The following ITFG1 variants were observed in gnomAD, a reference collection of about 807,000 sequenced individuals.
The protein encoded by ITFG1 is integrin alpha FG-GAP repeat containing 1.
ITFG1 carries 34 observed loss-of-function variants against 81.8 expected under a neutral mutation model. That is an observed-to-expected ratio of 0.42 (90% confidence interval 0.32 to 0.55). The LOEUF is 0.55. Ranked by LOEUF, ITFG1 falls within the 20% of genes least tolerant of loss-of-function variation. The probability of loss-of-function intolerance (pLI) is 0.17; values close to 1 mark genes in which losing one functional copy is unlikely to be tolerated. For missense variants in ITFG1, 672 were observed against 755.4 expected (o/e 0.89, Z 1.29); for synonymous variants, 285 against 270.6 (o/e 1.05, Z -0.52).
intron 8 of ITFG1, among the ~76,000 whole-genome samples, chr16:47,350,678 A>T (rs1967938720): frequency 6.6e-6 from 1 of 152,206 alleles, no homozygotes; most frequent in Admixed American, 6.5e-5. Flanking sequence ...TATTCCAATC[A>T]ATAGAAAAAG....
At chr16:47,435,950 A>T (rs1425988992) in intron 5 of ITFG1, among the ~76,000 whole-genome samples, 2 of 152,158 alleles carry the variant, frequency 1.3e-5, no homozygotes, top group African/African-American at 4.8e-5. Context: ...AAATGCATAC[A>T]GTGGAATATA....
At chr16:47,440,595 A>G (rs896120565) in intron 5 of ITFG1, among the ~76,000 whole-genome samples, 1 of 152,238 alleles carries the variant, frequency 6.6e-6, no homozygotes, top group African/African-American at 2.4e-5. Flanking sequence ...TACTGGGTAC[A>G]TAACGAAATG....
chr16:47,432,493 C>T (rs551675687), intron 5 of ITFG1, among the ~76,000 whole-genome samples: 3 of 152,290 alleles, frequency 2.0e-5, no homozygotes, highest in African/African-American at 7.2e-5. Context: ...AAACAGCAAC[C>T]TCTTTCCAAT....
chr16:47,249,614 A>T (rs1305748326), intron 12 of ITFG1, among the ~76,000 whole-genome samples: 1 of 152,170 alleles, frequency 6.6e-6, no homozygotes, highest in Non-Finnish European at 1.5e-5. Flanking sequence ...ACACTTGATG[A>T]GCTATGTGAA....
intron 10 of ITFG1, among the ~76,000 whole-genome samples, chr16:47,286,150 G>C (rs150209270): frequency 6.6e-6 from 1 of 152,270 alleles, no homozygotes; most frequent in East Asian, 1.9e-4. Context: ...CTCTACATAG[G>C]TAGAGGGAGA....
intron 10 of ITFG1, among the ~76,000 whole-genome samples, chr16:47,286,032 A>G (rs572935549): frequency 2.6e-5 from 4 of 152,166 alleles, no homozygotes; most frequent in Non-Finnish European, 5.9e-5. Flanking sequence ...AAAGGGAAGG[A>G]GCTCAGTATA....
At chr16:47,326,715 C>T (rs1967550581) in intron 8 of ITFG1, among the ~76,000 whole-genome samples, 1 of 152,112 alleles carries the variant, frequency 6.6e-6, no homozygotes, top group Non-Finnish European at 1.5e-5. Context: ...GAGTGAACTC[C>T]CATTCACAAT....
intron 8 of ITFG1, among the ~76,000 whole-genome samples, chr16:47,328,779 T>C (rs1233001596): frequency 6.6e-6 from 1 of 152,176 alleles, no homozygotes; most frequent in Admixed American, 6.6e-5. Flanking sequence ...CAAACTTTTT[T>C]CCGTCAACAG....
intron 14 of ITFG1, among the ~76,000 whole-genome samples, chr16:47,206,955 A>G (rs1349991830): frequency 6.6e-6 from 1 of 152,164 alleles, no homozygotes; most frequent in Non-Finnish European, 1.5e-5. Context: ...ACCACTCTCC[A>G]TTACATGGAC....
intron 8 of ITFG1, 155 bp downstream of exon 8, chr16:47,365,633 C>T (rs559503263): frequency 7.7e-6 from 4 of 518,632 alleles, no homozygotes; most frequent in South Asian, 7.7e-5. Flanking sequence ...ATGTCACATA[C>T]AATACTATTA....
intron 14 of ITFG1, 30 bp from the exon 15 acceptor site, chr16:47,162,694 A>G (rs1302892418): frequency 1.3e-6 from 2 of 1,561,644 alleles, no homozygotes; most frequent in East Asian, 2.3e-5. Context: ...AAAAAATTAA[A>G]AACATCTCTG....
chr16:47,433,010 T>C (rs1456605762), intron 5 of ITFG1, among the ~76,000 whole-genome samples: 1 of 152,212 alleles, frequency 6.6e-6, no homozygotes, highest in Non-Finnish European at 1.5e-5. Context: ...AGAGTAAAGC[T>C]CAATGAGGTT....
intron 8 of ITFG1, among the ~76,000 whole-genome samples, chr16:47,342,207 G>A (rs1274802340): frequency 6.6e-6 from 1 of 151,966 alleles, no homozygotes; most frequent in Admixed American, 6.6e-5. Context: ...GAAATGCAAG[G>A]GTGATTCAAC....
chr16:47,424,139 T>C (rs1454196091), intron 6 of ITFG1, among the ~76,000 whole-genome samples: 1 of 152,218 alleles, frequency 6.6e-6, no homozygotes, highest in East Asian at 1.9e-4. Flanking sequence ...TTTTACTCTT[T>C]TTTCTCTAAC....
intron 10 of ITFG1, chr16:47,263,394 A>G (rs528261227): frequency 4.2e-6 from 2 of 474,360 alleles, no homozygotes; most frequent in South Asian, 3.3e-5. Context: ...ATAGATGCCT[A>G]CTCAGGAGGT....
intron 8 of ITFG1, among the ~76,000 whole-genome samples, chr16:47,327,428 G>A (rs1452049418): frequency 1.3e-5 from 2 of 152,290 alleles, no homozygotes; most frequent in African/African-American, 4.8e-5. Context: ...AGGACTGCAT[G>A]TCTAAAACAC....
At chr16:47,411,904 A>G (rs1166041839) in intron 6 of ITFG1, among the ~76,000 whole-genome samples, 4 of 152,182 alleles carry the variant, frequency 2.6e-5, no homozygotes, top group African/African-American at 7.2e-5. Context: ...TTTAAGTGCC[A>G]TCTACTGCAT....
intron 13 of ITFG1, among the ~76,000 whole-genome samples, chr16:47,230,710 G>T (rs7205285): frequency 0.019 from 2,875 of 152,238 alleles, 85 homozygotes; most frequent in African/African-American, 0.065. Context: ...TGTGGAGGAA[G>T]GGATTATGTT....
rs554093084 is a variant in ITFG1, at chr16:47,260,228, C to T, written c.1221+317G>A. Among the ~76,000 whole-genome samples, 10 of 152,224 alleles carry T rather than the reference C, an allele frequency of 6.6e-5. No homozygotes were observed. The East Asian group carries it at 1.4e-3, about 21-fold the overall frequency. ...CTGGGATTACAGGTGTGAGCCACCGCGCCCGGCCTGTTGGCTGTAATTTTG... is the reference window on the plus strand; with the variant it reads ...CTGGGATTACAGGTGTGAGCCACCGTGCCCGGCCTGTTGGCTGTAATTTTG... On this transcript the variant is annotated intron_variant, in intron 11 of 17. Coordinates refer to ENST00000320640, the MANE Select transcript of ITFG1 (RefSeq NM_030790.5).
Sources: gnomAD v4.1 joint callset for allele counts (sites outside exome capture counted in the v4.1 genomes callset) on GRCh38, gnomAD v4.1.1 for gene constraint, MANE v1.5 for transcripts, NCBI Gene and HGNC (gene_info 2026-07-23, HGNC 2026-07-21) for gene names.